The following INSR variants were observed in gnomAD, a reference collection of about 807,000 sequenced individuals.
The protein encoded by INSR is insulin receptor.
A neutral mutation model predicts 142.6 loss-of-function variants in INSR; 67 were observed. That is an observed-to-expected ratio of 0.47 (90% CI 0.39 to 0.58). INSR has a LOEUF of 0.58. INSR is among the 20% of genes least tolerant of loss of function. The pLI, the probability that INSR is intolerant of heterozygous loss-of-function variation, is 0.00. For missense variants in INSR, 1,248 were observed against 1,833.2 expected, an observed-to-expected ratio of 0.68 and a Z score of 5.83; for synonymous variants, 756 against 743.1, an observed-to-expected ratio of 1.02 and a Z score of -0.28.
At chr19:7,263,622 G>T (rs117834531) in intron 2 of INSR, among the ~76,000 whole-genome samples, 686 of 152,250 alleles carry the variant, frequency 4.5e-3, no homozygotes, top group Non-Finnish European at 7.1e-3. Flanking sequence ...GTCTCAGTTT[G>T]TCACCCAGGC....
intron 13 of INSR, among the ~76,000 whole-genome samples, chr19:7,137,278 A>C (rs1311252827): frequency 6.6e-6 from 1 of 150,474 alleles, no homozygotes; most frequent in African/African-American, 2.5e-5. Context: ...AAAAAAAAAA[A>C]AAAAATCCCT....
At chr19:7,253,232 G>GTTTATTTA (rs141754421) in intron 2 of INSR, among the ~76,000 whole-genome samples, 46 of 149,748 alleles carry the variant, frequency 3.1e-4, no homozygotes, top group African/African-American at 1.0e-3. Flanking sequence ...TTATTTATTT[G>GTTTATTTA]TTTATTTATT....
rs566925016 is a variant in INSR at position 7,168,552 on chromosome 19, C to T, written c.1484-458G>A. Among the ~76,000 whole-genome samples the T allele has an allele frequency of 3.3e-5, 5 of 152,246 alleles. No individual in the cohort carries two copies. The highest frequency in any genetic ancestry group is 4.8e-5 in the African/African-American group (2 of 41,556). On this transcript the variant is annotated intron_variant, in intron 6 of 21. Transcript: ENST00000302850. This position sits in a 1 kb window ranked among gnomAD's most constrained non-coding sequence, Gnocchi z 4.3. ...TGCAGATCATTAGACATCGGAGAGA[C>T]GCATCTAAGTAATTCTCTCTGCCTA...
chr19:7,252,726 A>G (rs1308320055), intron 2 of INSR, among the ~76,000 whole-genome samples: 1 of 152,118 alleles, frequency 6.6e-6, no homozygotes, highest in Non-Finnish European at 1.5e-5. Context: ...TTAAACAACC[A>G]TTCTTTCTGG....
At chr19:7,198,647 G>C (rs1297681044) in intron 2 of INSR, among the ~76,000 whole-genome samples, 1 of 152,024 alleles carries the variant, frequency 6.6e-6, no homozygotes, top group South Asian at 2.1e-4. Context: ...TTGCAGGGGG[G>C]GAGGGTCCGC....
Position 7,153,061 on chromosome 19 carries a change from A to T in INSR, c.2030-134T>A, listed in dbSNP as rs1302924688. The T allele has an allele frequency of 8.8e-5, 41 of 464,688 alleles. 2 individuals carry two copies. Among genetic ancestry groups the T allele is most frequent in the East Asian group, 7.3e-4 (20 of 27,492 alleles). The allele number at this position is 464,688 out of a possible 1,614,324, so 28.8% of individuals were successfully genotyped here. The stretch of plus-strand genomic sequence containing the variant: ...ACACACCACACACCCCCCCACACAC[A>T]CACACCACACACATCACACAACACA... On this transcript the variant is annotated intron_variant, in intron 9 of 21. Coordinates refer to ENST00000302850, the MANE Select transcript of INSR (RefSeq NM_000208.4).
chr19:7,244,410 A>G (rs1568213917), intron 2 of INSR, among the ~76,000 whole-genome samples: 1 of 151,934 alleles, frequency 6.6e-6, no homozygotes, highest in Non-Finnish European at 1.5e-5. Flanking sequence ...GTGTGTGCCT[A>G]TAATCCCAGC....
chr19:7,289,941 T>C (rs1021258689), intron 1 of INSR, among the ~76,000 whole-genome samples: 1 of 152,108 alleles, frequency 6.6e-6, no homozygotes, highest in Non-Finnish European at 1.5e-5. Context: ...CAGCCCCAAA[T>C]GTCAGCAGTG....
rs1972335210 is a variant in INSR at position 7,116,700 on chromosome 19, C to CAACAAA, written c.*355_*356insTTTGTT. 2.0e-5 allele frequency: 1 copy of CAACAAA among 50,516 alleles called. No individual in the cohort carries two copies. The highest frequency in any genetic ancestry group is 7.0e-5 in the African/African-American group (1 of 14,238). 3.1% of individuals were successfully genotyped at this position (50,516 alleles called of 1,614,324 possible). ...TTTTATACTGAAGCTCAGACACCAG[C>CAACAAA]AAAAAAAAAAAAAAAAAAAAAGAAT... On this transcript the variant is annotated 3_prime_UTR_variant, in exon 22 of 22. Coordinates refer to ENST00000302850, the MANE Select transcript of INSR (RefSeq NM_000208.4).
At chr19:7,174,874 G>A (rs749720666) in intron 3 of INSR, 143 bp from the exon 4 acceptor site, 56 of 868,676 alleles carry the variant, frequency 6.4e-5, no homozygotes, top group Non-Finnish European at 7.8e-5. Flanking sequence ...ACAGAGTCTC[G>A]CTCTGTTGCC....
chr19:7,113,518 C>T lies in INSR; in HGVS notation c.*3538G>A, dbSNP rs1972253070. The stretch of plus-strand genomic sequence containing the variant: ...ACTGATGCAGAGAGAAAGTGATGTG[C>T]TTGGTATTCTCCTCCTGGAAGAAGG... On this transcript the variant is annotated 3_prime_UTR_variant, in exon 22 of 22. Transcript: ENST00000302850. 6.6e-6 allele frequency: 1 copy of T among 152,144 alleles called. No individual in the cohort carries two copies. Among genetic ancestry groups the T allele is most frequent in the African/African-American group, 2.4e-5 (1 of 41,440 alleles). 9.4% of individuals were successfully genotyped at this position (152,144 alleles called of 1,614,324 possible).
At position 7,197,918 on chromosome 19, in the gene INSR, A is replaced by AGTGTGTGTGTGT. The variant is rs71864058; in HGVS notation, c.653-13293_653-13282dup. On this transcript the variant is annotated intron_variant, in intron 2 of 21. Coordinates refer to ENST00000302850, the MANE Select transcript of INSR (RefSeq NM_000208.4). Reference sequence around the variant, plus strand: ...CAGGATTGGTCGGTTCCAGAGTGAGAGTGTGTGTGTGTGTGTGTGTGTGTG... The same window carrying AGTGTGTGTGTGT: ...CAGGATTGGTCGGTTCCAGAGTGAGAGTGTGTGTGTGTGTGTGTGTGTGTGTGTGTGTGTGTG... Among the ~76,000 whole-genome samples the AGTGTGTGTGTGT allele has an allele frequency of 3.2e-3, 323 of 100,276 alleles. 2 individuals are homozygous for AGTGTGTGTGTGT. Among genetic ancestry groups the AGTGTGTGTGTGT allele is most frequent in the East Asian group, 9.4e-3 (30 of 3,182 alleles). The allele number at this position is 100,276 out of a possible 152,430, so 65.8% of individuals were successfully genotyped here.
At chr19:7,193,593 G>A (rs1212719403) in intron 2 of INSR, among the ~76,000 whole-genome samples, 2 of 151,900 alleles carry the variant, frequency 1.3e-5, no homozygotes, top group African/African-American at 2.4e-5. Context: ...ACACAAAAAA[G>A]TGCCCTATTT....
At chr19:7,131,424 C>A (rs1334476009) in intron 14 of INSR, among the ~76,000 whole-genome samples, 1 of 151,830 alleles carries the variant, frequency 6.6e-6, no homozygotes, top group African/African-American at 2.4e-5. Flanking sequence ...CGGTTCACTG[C>A]AAGCTCTGCT....
rs1973936240 is a variant in INSR at position 7,168,383 on chromosome 19, G to A, written c.1484-289C>T. Among the ~76,000 whole-genome samples the A allele has an allele frequency of 6.6e-6, 1 of 152,158 alleles. No individual in the cohort carries two copies. The highest frequency in any genetic ancestry group is 2.4e-5 in the African/African-American group (1 of 41,448). Reference sequence around the variant, plus strand: ...TGTACCCGCGCAAGAAGGACAACCGGCCAATAGTTATTGGAGGAAGGGATT... The same window carrying A: ...TGTACCCGCGCAAGAAGGACAACCGACCAATAGTTATTGGAGGAAGGGATT... On this transcript the variant is annotated intron_variant, in intron 6 of 21. Transcript: ENST00000302850. This position sits in a 1 kb window ranked among gnomAD's most constrained non-coding sequence, Gnocchi z 4.3.
rs1226215975 is a variant in INSR, at chr19:7,114,732, T to C, written c.*2324A>G. ...TATTTTTCTTTGATAAAAATTTACA[T>C]GCGCTCCATTTTTTATGAGAGTGAT... On this transcript the variant is annotated 3_prime_UTR_variant, in exon 22 of 22. Transcript: ENST00000302850. The C allele has an allele frequency of 1.3e-5, 2 of 152,638 alleles. No homozygotes were observed. Among genetic ancestry groups the C allele is most frequent in the Non-Finnish European group, 2.9e-5 (2 of 68,024 alleles). 9.5% of individuals were successfully genotyped at this position (152,638 alleles called of 1,614,324 possible).
chr19:7,132,409 G>T, intron 13 of INSR, 92 bp from the exon 14 acceptor site: 1 of 1,434,236 alleles, frequency 7.0e-7, no homozygotes, highest in Non-Finnish European at 9.6e-7. Flanking sequence ...CCAGGATCCT[G>T]CTCAGAAATG....
intron 12 of INSR, 101 bp downstream of exon 12, chr19:7,142,715 G>C: frequency 7.0e-7 from 1 of 1,423,124 alleles, no homozygotes; most frequent in East Asian, 2.3e-5. Context: ...AGGCCAATAA[G>C]GTAAAATACA....
At chr19:7,157,795 C>A (rs1033767539) in intron 9 of INSR, among the ~76,000 whole-genome samples, 9 of 151,778 alleles carry the variant, frequency 5.9e-5, no homozygotes, top group Non-Finnish European at 1.3e-4. Flanking sequence ...TTTCTCTCCT[C>A]CCCTTAATGC....
Sources: gnomAD v4.1 joint callset for allele counts (sites outside exome capture counted in the v4.1 genomes callset) on GRCh38, gnomAD v4.1.1 for gene constraint, Gnocchi (gnomAD v3.1) non-coding constraint, MANE v1.5 for transcripts, NCBI Gene and HGNC (gene_info 2026-07-23, HGNC 2026-07-21) for gene names.